Variants in ATP9B observed in about 807,000 individuals in gnomAD.
ATP9B encodes probable phospholipid-transporting ATPase IIB.
ATP9B carries 110 observed loss-of-function variants against 146.1 expected under a neutral mutation model. The ratio of observed to expected loss-of-function variants is 0.75; its 90% CI spans 0.65 to 0.88. The LOEUF is 0.88. Ranked by LOEUF, ATP9B falls within the 40% of genes least tolerant of loss-of-function variation. ATP9B has a pLI of 0.00. For synonymous variants in ATP9B, 604 were observed against 569.7 expected, an observed-to-expected ratio of 1.06 and a Z score of -0.86; for missense variants, 1,499 against 1,496.4, an observed-to-expected ratio of 1.00 and a Z score of -0.03.
chr18:79,088,412 G>T (rs549271017), intron 1 of ATP9B, among the ~76,000 whole-genome samples: 1 of 152,060 alleles, frequency 6.6e-6, no homozygotes, highest in Non-Finnish European at 1.5e-5. Flanking sequence ...ATACAGAGAA[G>T]AAAAAAATGA....
At chr18:79,093,823 A>T (rs1427853480) in intron 1 of ATP9B, among the ~76,000 whole-genome samples, 1 of 152,240 alleles carries the variant, frequency 6.6e-6, no homozygotes, top group Non-Finnish European at 1.5e-5. Flanking sequence ...TTTTCTATTC[A>T]CTTCAAGACT....
At chr18:79,273,589 C>G (rs778270015) in intron 12 of ATP9B, among the ~76,000 whole-genome samples, 5 of 152,160 alleles carry the variant, frequency 3.3e-5, no homozygotes, top group African/African-American at 4.8e-5. Context: ...AGTTTCATTC[C>G]CTGAGGAGAA....
chr18:79,327,700 T>TGTGCTCTCTCCATGGTTAGC (rs2096762431), intron 15 of ATP9B, among the ~76,000 whole-genome samples: 1 of 46,962 alleles, frequency 2.1e-5, no homozygotes, highest in Non-Finnish European at 3.9e-5. Context: ...CCGTGGTTAG[T>TGTGCTCTCTCCATGGTTAGC]GTGCTCTCTC....
chr18:79,275,733 A>G (rs1356858324), intron 12 of ATP9B, among the ~76,000 whole-genome samples: 1 of 152,228 alleles, frequency 6.6e-6, no homozygotes, highest in African/African-American at 2.4e-5. Flanking sequence ...CTTGAGTGTC[A>G]TCTTGCAGGG....
intron 13 of ATP9B, among the ~76,000 whole-genome samples, chr18:79,279,298 A>G (rs1246645623): frequency 2.6e-5 from 4 of 152,196 alleles, no homozygotes; most frequent in Non-Finnish European, 4.4e-5. Context: ...TGCAGAGTTC[A>G]CAGACAGCCC....
At chr18:79,349,893 C>T (rs1197127545) in intron 25 of ATP9B, among the ~76,000 whole-genome samples, 1 of 93,134 alleles carries the variant, frequency 1.1e-5, no homozygotes, top group East Asian at 4.5e-4. Context: ...GGAGGCCCCG[C>T]ACCCCCCCCC....
chr18:79,308,891 T>G (rs1190011121), intron 15 of ATP9B, among the ~76,000 whole-genome samples: 4 of 107,824 alleles, frequency 3.7e-5, no homozygotes, highest in South Asian at 3.7e-4. Flanking sequence ...GGTCAGGGGC[T>G]GAGGAGTGAT....
intron 6 of ATP9B, 62 bp downstream of exon 6, chr18:79,143,922 T>C (rs1338014825): frequency 7.2e-6 from 7 of 977,552 alleles, no homozygotes; most frequent in South Asian, 2.0e-5. Context: ...TTAGCCTGAT[T>C]ATAAGTAACT....
intron 13 of ATP9B, among the ~76,000 whole-genome samples, chr18:79,295,058 A>G (rs949924278): frequency 1.3e-5 from 2 of 152,150 alleles, no homozygotes; most frequent in South Asian, 2.1e-4. Context: ...TATTCCAGCT[A>G]TAGGTACGTG....
At chr18:79,118,820 A>G (rs1008711401) in intron 4 of ATP9B, among the ~76,000 whole-genome samples, 1 of 152,114 alleles carries the variant, frequency 6.6e-6, no homozygotes, top group Non-Finnish European at 1.5e-5. Flanking sequence ...CAGTAATCTC[A>G]GCACTTTGGG....
At chr18:79,206,912 G>A (rs1298732471) in intron 9 of ATP9B, 25 bp from the exon 10 acceptor site, 9 of 1,607,798 alleles carry the variant, frequency 5.6e-6, no homozygotes, top group Non-Finnish European at 6.0e-6. Context: ...TGACGGTTTT[G>A]TTTTCTTTTT....
At chr18:79,148,803 T>C (rs905825716) in intron 6 of ATP9B, among the ~76,000 whole-genome samples, 2 of 152,216 alleles carry the variant, frequency 1.3e-5, no homozygotes, top group African/African-American at 2.4e-5. Flanking sequence ...TAAATACATA[T>C]ACATATATGT....
At chr18:79,324,101 G>A (rs921257206) in intron 15 of ATP9B, among the ~76,000 whole-genome samples, 4 of 152,136 alleles carry the variant, frequency 2.6e-5, no homozygotes, top group African/African-American at 9.7e-5. Flanking sequence ...CTTCTTTTGA[G>A]AAATGTCTGT....
intron 1 of ATP9B, among the ~76,000 whole-genome samples, chr18:79,077,080 A>G (rs559060670): frequency 9.9e-5 from 15 of 152,220 alleles, no homozygotes; most frequent in Non-Finnish European, 1.6e-4. Flanking sequence ...AAAAATCCTC[A>G]TTAGATAATT....
intron 7 of ATP9B, among the ~76,000 whole-genome samples, chr18:79,160,064 T>C (rs548229894): frequency 3.8e-4 from 58 of 152,368 alleles, no homozygotes; most frequent in African/African-American, 1.4e-3. Flanking sequence ...CTGTTTGTGT[T>C]CTGTGTGTCT....
rs1237960207 is a variant in ATP9B, at chr18:79,342,249, A to G, written c.2284-19A>G. The G allele has an allele frequency of 6.3e-7, 1 of 1,576,424 alleles. No homozygotes were observed. The highest frequency in any genetic ancestry group is 8.7e-7 in the Non-Finnish European group (1 of 1,146,540). On this transcript the variant is annotated intron_variant, in intron 19 of 29. Coordinates refer to ENST00000426216, the MANE Select transcript of ATP9B (RefSeq NM_198531.5). The stretch of plus-strand genomic sequence containing the variant: ...TGTCCTTGTCTTGTTGAAATTCACC[A>G]GTTTAAATTGTTCCCTAGATATGGA...
chr18:79,341,228 C>T (rs933812884), intron 19 of ATP9B, among the ~76,000 whole-genome samples: 3 of 148,180 alleles, frequency 2.0e-5, no homozygotes, highest in African/African-American at 5.1e-5. Flanking sequence ...TCTGCATTGC[C>T]GACACACCAT....
chr18:79,119,586 T>C (rs896120749), intron 4 of ATP9B, among the ~76,000 whole-genome samples: 2 of 152,246 alleles, frequency 1.3e-5, no homozygotes, highest in African/African-American at 4.8e-5. Context: ...TTTAAGATTT[T>C]AGAGAAGTGA....
chr18:79,341,576 C>T (rs2096859322), intron 19 of ATP9B, among the ~76,000 whole-genome samples: 1 of 132,598 alleles, frequency 7.5e-6, no homozygotes, highest in African/African-American at 3.0e-5. Flanking sequence ...AGCGTGACCT[C>T]GTTGAAGCCT....
Sources: allele counts gnomAD v4.1 joint callset (sites outside exome capture counted in the v4.1 genomes callset), GRCh38; gene constraint gnomAD v4.1.1; transcripts MANE v1.5; gene names NCBI Gene and HGNC (gene_info 2026-07-23, HGNC 2026-07-21).